BCORL1: variants seen among roughly 807,000 people sequenced by gnomAD.
BCORL1 encodes the protein BCL6 corepressor like 1, also known as BCL-6 corepressor-like protein 1.
A neutral mutation model predicts 87.6 loss-of-function variants in BCORL1; 7 were observed. The ratio of observed to expected loss-of-function variants is 0.08; its 90% CI spans 0.05 to 0.15. The LOEUF is 0.15. Ranked by LOEUF, BCORL1 falls within the 10% of genes least tolerant of loss-of-function variation. BCORL1 has a pLI of 1.00. For missense variants in BCORL1, 1,215 were observed against 1,499.7 expected, an observed-to-expected ratio of 0.81 and a Z score of 3.13; for synonymous variants, 591 against 634.4, an observed-to-expected ratio of 0.93 and a Z score of 1.03.
At chrX:130,051,755 T>G in intron 12 of BCORL1, 105 bp from the exon 13 acceptor site, 15 of 831,034 alleles carry the variant, frequency 1.8e-5, no homozygotes, top group Non-Finnish European at 2.5e-5. Flanking sequence ...GTCATTTACC[T>G]CCCAACCACC....
chrX:130,009,607 T>C (rs1463044690), intron 2 of BCORL1, among the ~76,000 whole-genome samples: 2 of 110,329 alleles, frequency 1.8e-5, no homozygotes, highest in Non-Finnish European at 3.8e-5. Context: ...GGGTGGTATA[T>C]TTCTCTTACG....
chrX:129,982,071 G>T (rs1205548909), upstream of BCORL1, among the ~76,000 whole-genome samples: 3 of 110,526 alleles, frequency 2.7e-5, no homozygotes, highest in East Asian at 8.6e-4. Context: ...ACACTGGATC[G>T]GCACCAGTGG....
chrX:130,038,521 G>A (rs1249925137), intron 10 of BCORL1, among the ~76,000 whole-genome samples: 1 of 105,208 alleles, frequency 9.5e-6, no homozygotes, highest in African/African-American at 3.5e-5. Flanking sequence ...TCACTCTGTC[G>A]CCCAGGCTGG....
At chrX:130,027,237 C>T (rs940683389) in intron 7 of BCORL1, among the ~76,000 whole-genome samples, 1 of 112,956 alleles carries the variant, frequency 8.9e-6, no homozygotes, top group Non-Finnish European at 1.9e-5. Flanking sequence ...TGGTTCTGTT[C>T]CTTCCTCTTT....
chrX:130,000,239 T>C (rs761630375), intron 1 of BCORL1, among the ~76,000 whole-genome samples: 1 of 110,801 alleles, frequency 9.0e-6, no homozygotes, highest in Non-Finnish European at 1.9e-5. Flanking sequence ...GGTTTCGCCA[T>C]GTTGCCCAGG....
In BCORL1 at chrX:130,028,844, G is replaced by A. The variant is rs1002284066; in HGVS notation, c.4288G>A (p.Val1430Ile). 13 of 1,148,944 alleles carry A rather than the reference G, an allele frequency of 1.1e-5. No individual in the cohort carries two copies. In the African/African-American group the frequency reaches 1.7e-4, roughly 15 times the overall value. The allele number at this position is 1,148,944 out of a possible 1,213,427, so 94.7% of individuals were successfully genotyped here. The change falls in exon 8 of 14, where the codon GTC (valine) becomes ATC (isoleucine). Residue 1430 changes from valine (V) to isoleucine (I), a missense_variant. By Grantham distance (29) the Val-to-Ile change is conservative. Transcript: ENST00000540052. ...RKCKTKHMATVSEEAKGKGRW... is the reference protein window; with the variant it reads ...RKCKTKHMATISEEAKGKGRW... ...GTGCAAGACCAAGCACATGGCAACC[G>A]TCTCAGAAGAGGCAAAGGTGTGTAG...
chrX:130,024,027 G>A (rs1930038491), intron 6 of BCORL1, among the ~76,000 whole-genome samples: 1 of 112,349 alleles, frequency 8.9e-6, no homozygotes, highest in Admixed American at 9.5e-5. Flanking sequence ...GTTAATAGCT[G>A]GGCCTTGGGA....
chrX:130,015,392 T>A lies in BCORL1; in HGVS notation c.2620T>A (p.Ser874Thr). Residue 874 changes from serine to threonine, a missense_variant, in exon 4 of 14, where the codon TCT (serine) becomes ACT (threonine). This residue lies in a region of BCORL1 where 861 missense variants were observed against 1,010.0 expected (regional missense o/e 0.85). Transcript: ENST00000540052. ...TGTTTCGGAGTTTTCTGGTGTGCCA[T>A]CTCTCAGCTCCAGCGAAGCCGTGCA... ...SVVSEFSGVP[S>T]LSSSEAVHGL... 1 of 1,211,962 alleles carries A rather than the reference T, an allele frequency of 8.3e-7. No individual in the cohort carries two copies. The highest frequency in any genetic ancestry group is 1.1e-6 in the Non-Finnish European group (1 of 895,575).
Position 130,012,751 on chromosome X carries a change from A to G in BCORL1, c.177+83A>G. Reference sequence around the variant, plus strand: ...GGAGGTGTGCCCAGCCTGCCATCCCAGGAAGTGGGCAGGAAGGGACAGGGT... The same window carrying G: ...GGAGGTGTGCCCAGCCTGCCATCCCGGGAAGTGGGCAGGAAGGGACAGGGT... On this transcript the variant is annotated intron_variant, in intron 3 of 13. Coordinates refer to ENST00000540052, the MANE Select transcript of BCORL1 (RefSeq NM_001379451.1). 8 of 1,036,093 alleles carry G rather than the reference A, an allele frequency of 7.7e-6. No individual in the cohort carries two copies. In the South Asian group the frequency reaches 1.4e-4, roughly 18 times the overall value. The allele number at this position is 1,036,093 out of a possible 1,213,427, so 85.4% of individuals were successfully genotyped here. A position where few individuals can be genotyped will look rare whatever the true frequency, so the allele number is the denominator to read the frequency against.
At chrX:129,998,045 G>A (rs1927704125) in intron 1 of BCORL1, among the ~76,000 whole-genome samples, 2 of 104,886 alleles carry the variant, frequency 1.9e-5, no homozygotes, top group Admixed American at 1.1e-4. Context: ...GCTTTGGATT[G>A]GCAGAGCACG....
At chrX:129,987,880 G>A (rs752955178) in intron 1 of BCORL1, among the ~76,000 whole-genome samples, 1 of 112,071 alleles carries the variant, frequency 8.9e-6, no homozygotes, top group African/African-American at 3.2e-5. Flanking sequence ...GAAATTCGAG[G>A]TCAAGTTTGG....
chrX:129,997,469 C>T (rs950683201), intron 1 of BCORL1, among the ~76,000 whole-genome samples: 3 of 111,189 alleles, frequency 2.7e-5, no homozygotes, highest in African/African-American at 6.5e-5. Flanking sequence ...TACCCGCTCG[C>T]CCTCAGCTTA....
At chrX:129,984,199 T>C (rs1323369699) in intron 1 of BCORL1, among the ~76,000 whole-genome samples, 2 of 103,238 alleles carry the variant, frequency 1.9e-5, no homozygotes, top group East Asian at 6.3e-4. Flanking sequence ...CCGCTGCTGC[T>C]CCTGCTGGGG....
chrX:130,040,755 C>T (rs1281408464), intron 11 of BCORL1, among the ~76,000 whole-genome samples: 1 of 112,291 alleles, frequency 8.9e-6, no homozygotes, highest in African/African-American at 3.2e-5. Context: ...CTGCCTCCCA[C>T]GTACTGTGTA....
intron 2 of BCORL1, among the ~76,000 whole-genome samples, chrX:130,006,722 C>T (rs1229980897): frequency 2.8e-5 from 3 of 108,883 alleles, no homozygotes; most frequent in Middle Eastern, 4.2e-3. Flanking sequence ...CAGGCGTATG[C>T]CACCACACCT....
intron 1 of BCORL1, among the ~76,000 whole-genome samples, chrX:129,993,283 GGA>G (rs1927322249): frequency 8.9e-6 from 1 of 112,356 alleles, no homozygotes. Context: ...TTTGTTAAAT[GGA>G]GTAAAGTAAT....
At chrX:130,032,125 A>G (rs988645276) in intron 8 of BCORL1, among the ~76,000 whole-genome samples, 1 of 112,030 alleles carries the variant, frequency 8.9e-6, no homozygotes, top group Non-Finnish European at 1.9e-5. Flanking sequence ...AAATTACTAT[A>G]CAACTTAGCA....
chrX:130,033,157 C>T (rs1433208686), intron 8 of BCORL1, among the ~76,000 whole-genome samples: 3 of 107,891 alleles, frequency 2.8e-5, no homozygotes, highest in Middle Eastern at 4.9e-3. Context: ...TCTTGGCATA[C>T]TGCAACCTCC....
Position 130,005,265 on chromosome X carries a change from C to T in BCORL1, c.34C>T (p.His12Tyr). ...TACAGCACCGCTCTACAGCGGCGTG[C>T]ACAACTGGACCAGTTCTGACCGGAT... ...ISTAPLYSGV[H>Y]NWTSSDRIRM... Residue 12 changes from histidine to tyrosine, a missense_variant, in exon 2 of 14, where the codon CAC (histidine) becomes TAC (tyrosine). By Grantham distance (83) the His-to-Tyr change is moderately conservative. Transcript: ENST00000540052. 1.7e-6 allele frequency: 2 copies of T among 1,211,636 alleles called. No individual in the cohort carries two copies. Among genetic ancestry groups the T allele is most frequent in the African/African-American group, 3.5e-5 (2 of 57,828 alleles).
Sources: gnomAD v4.1 joint callset for allele counts (sites outside exome capture counted in the v4.1 genomes callset) on GRCh38, gnomAD v4.1.1 for gene constraint, gnomAD v4.1.1 regional missense constraint, MANE v1.5 for transcripts, NCBI Gene and HGNC (gene_info 2026-07-23, HGNC 2026-07-21) for gene names.